Variants in KAZN observed in about 807,000 individuals in gnomAD.
The protein encoded by KAZN is kazrin, periplakin interacting protein.
Under a neutral mutation model 87.4 loss-of-function variants are expected in KAZN, and 40 were observed. That is an observed-to-expected ratio of 0.46 (90% CI 0.36 to 0.60). KAZN has a LOEUF of 0.60. Among genes scored for constraint, KAZN ranks in the 20% least tolerant of loss-of-function variants. KAZN has a pLI of 0.00. For synonymous variants in KAZN, 466 were observed against 458.3 expected (o/e 1.02, Z -0.22); for missense variants, 898 against 1,073.9 (o/e 0.84, Z 2.29).
chr1:14,347,221 T>C (rs1658169773), intron 2 of KAZN, among the ~76,000 whole-genome samples: 1 of 152,200 alleles, frequency 6.6e-6, no homozygotes, highest in South Asian at 2.1e-4. Context: ...ATCACGTAGA[T>C]TGTTCTGGCT....
intron 1 of KAZN, among the ~76,000 whole-genome samples, chr1:13,968,796 A>G (rs1342654324): frequency 2.1e-5 from 3 of 141,492 alleles, no homozygotes; most frequent in Non-Finnish European, 4.6e-5. Flanking sequence ...CTCCTCTTCC[A>G]TTTGAACATC....
chr1:14,381,010 G>C (rs1006128002), intron 2 of KAZN, among the ~76,000 whole-genome samples: 4 of 152,170 alleles, frequency 2.6e-5, no homozygotes, highest in African/African-American at 9.7e-5. Context: ...TGGCAACATA[G>C]TCCTTCCCAT....
chr1:14,493,882 A>T (rs546459088), intron 2 of KAZN, among the ~76,000 whole-genome samples: 64 of 152,138 alleles, frequency 4.2e-4, no homozygotes, highest in African/African-American at 1.5e-3. Flanking sequence ...TGCAACTTTC[A>T]TTTCCTTTCA....
At chr1:14,519,188 T>G (rs965468985) in intron 2 of KAZN, among the ~76,000 whole-genome samples, 6 of 151,978 alleles carry the variant, frequency 3.9e-5, no homozygotes, top group African/African-American at 1.5e-4. Flanking sequence ...GTTTCTGGAA[T>G]CAAAGAAATA....
chr1:14,307,054 C>T (rs1223702586), intron 2 of KAZN, among the ~76,000 whole-genome samples: 3 of 152,140 alleles, frequency 2.0e-5, no homozygotes, highest in Non-Finnish European at 4.4e-5. Flanking sequence ...TTCAGTCAAC[C>T]CCTAAAGCAC....
At chr1:14,514,451 T>A (rs10927455) in intron 2 of KAZN, among the ~76,000 whole-genome samples, 2 of 9,272 alleles carry the variant, frequency 2.2e-4, no homozygotes, top group African/African-American at 7.0e-4. Context: ...AAAATATATA[T>A]ATTATATATA....
At chr1:15,052,580 G>A (rs940384443) in intron 4 of KAZN, among the ~76,000 whole-genome samples, 3 of 152,022 alleles carry the variant, frequency 2.0e-5, no homozygotes, top group Non-Finnish European at 4.4e-5. Context: ...TATTGCATGT[G>A]TATGTGTGTG....
At chr1:14,652,870 AT>A (rs1638539523) in intron 1 of KAZN, among the ~76,000 whole-genome samples, 1 of 149,064 alleles carries the variant, frequency 6.7e-6, no homozygotes, top group South Asian at 2.2e-4. Flanking sequence ...AATTGGGGAC[AT>A]TTTTGGTTGT....
intron 2 of KAZN, among the ~76,000 whole-genome samples, chr1:14,506,676 T>A: frequency 6.6e-6 from 1 of 152,162 alleles, no homozygotes; most frequent in Non-Finnish European, 1.5e-5. Flanking sequence ...TGACACATCA[T>A]AAGTGCCCGA....
intron 1 of KAZN, among the ~76,000 whole-genome samples, chr1:14,841,405 C>CAAAAAAAAAAAAAAAAA (rs57248871): frequency 1.1e-5 from 1 of 88,880 alleles, no homozygotes; most frequent in Non-Finnish European, 2.2e-5. Flanking sequence ...GACTCCGTCT[C>CAAAAAAAAAAAAAAAAA]AAAAAAAAAA....
chr1:14,509,899 T>C (rs1670809857), intron 2 of KAZN, among the ~76,000 whole-genome samples: 3 of 152,126 alleles, frequency 2.0e-5, no homozygotes, highest in Admixed American at 6.6e-5. Context: ...AAGAAGGAGA[T>C]GGAGCAAGCC....
At chr1:14,551,216 C>T (rs370912616) in intron 2 of KAZN, among the ~76,000 whole-genome samples, 3 of 152,252 alleles carry the variant, frequency 2.0e-5, no homozygotes, top group South Asian at 2.1e-4. Flanking sequence ...ACCTCTGCAC[C>T]GACTCATATG....
At position 14,079,893 on chromosome 1, in the gene KAZN, C is replaced by T. The variant is rs568071278; in HGVS notation, c.92-100542C>T. On this transcript the variant is annotated intron_variant, in intron 1 of 16. Transcript: ENST00000636203. Reference sequence around the variant, plus strand: ...CAAACCCCCACCACTTCCCATCAGGCCCCACCTCCGACACTGGGGATCAAA... The same window carrying T: ...CAAACCCCCACCACTTCCCATCAGGTCCCACCTCCGACACTGGGGATCAAA... Among the ~76,000 whole-genome samples the T allele has an allele frequency of 2.7e-5, 4 of 150,866 alleles. No individual in the cohort carries two copies. The South Asian group carries it at 8.7e-4, about 33-fold the overall frequency.
At chr1:14,114,381 ACT>A (rs1557486444) in intron 1 of KAZN, among the ~76,000 whole-genome samples, 4 of 151,578 alleles carry the variant, frequency 2.6e-5, no homozygotes, top group Non-Finnish European at 4.4e-5. Context: ...GCAGGATATG[ACT>A]CTGGCGATTT....
intron 2 of KAZN, among the ~76,000 whole-genome samples, chr1:14,515,908 C>T (rs1287151492): frequency 6.6e-6 from 1 of 152,098 alleles, no homozygotes; most frequent in Non-Finnish European, 1.5e-5. Flanking sequence ...AAATCCTAGA[C>T]CCAGCATGGT....
chr1:14,837,387 C>G lies in KAZN; in HGVS notation c.227-123297C>G, dbSNP rs541895186. ...GCTAATTTTGTATTTTGAGTAGAGA[C>G]GGGGTTTCTCCATGTGGGTCAGGCT... On this transcript the variant is annotated intron_variant, in intron 1 of 14. Coordinates refer to ENST00000376030, the MANE Select transcript of KAZN (RefSeq NM_201628.3). Among the ~76,000 whole-genome samples the G allele has an allele frequency of 1.5e-3, 231 of 151,902 alleles. 1 individual carries two copies. Among genetic ancestry groups the G allele is most frequent in the African/African-American group, 5.2e-3 (214 of 41,446 alleles).
intron 1 of KAZN, among the ~76,000 whole-genome samples, chr1:14,662,919 T>C (rs956503258): frequency 6.9e-5 from 10 of 145,980 alleles, no homozygotes; most frequent in African/African-American, 2.5e-4. Flanking sequence ...TATATACACA[T>C]ATATATGTAT....
intron 2 of KAZN, among the ~76,000 whole-genome samples, chr1:14,274,805 A>G (rs767056156): frequency 3.9e-5 from 6 of 151,972 alleles, no homozygotes; most frequent in Admixed American, 1.3e-4. Flanking sequence ...GGATGGGTTC[A>G]TGGATGGTAT....
intron 2 of KAZN, among the ~76,000 whole-genome samples, chr1:14,976,510 G>A (rs184295295): frequency 5.3e-5 from 8 of 152,330 alleles, no homozygotes; most frequent in South Asian, 2.1e-4. Context: ...AGGCCCTTCC[G>A]GCAGAGCACA....
Sources: allele counts gnomAD v4.1 joint callset (sites outside exome capture counted in the v4.1 genomes callset), GRCh38; gene constraint gnomAD v4.1.1; transcripts MANE v1.5; gene names NCBI Gene and HGNC (gene_info 2026-07-23, HGNC 2026-07-21).